The following ELMO1 variants were observed in gnomAD, a reference collection of about 807,000 sequenced individuals.
ELMO1 encodes engulfment and cell motility 1.
In ELMO1, 26 loss-of-function variants were observed where a neutral mutation model predicts 98.9. The observed-to-expected ratio is 0.26, with a 90% CI of 0.19 to 0.36. The LOEUF (loss-of-function observed/expected upper bound fraction) is 0.36, where lower values mean the gene tolerates loss of function less well. ELMO1 is among the 10% of genes least tolerant of loss of function. The pLI is 1.00. For missense variants in ELMO1, 627 were observed against 935.2 expected (o/e 0.67, Z 4.30); for synonymous variants, 346 against 346.0 (o/e 1.00, Z 0.00).
intron 1 of ELMO1, among the ~76,000 whole-genome samples, chr7:37,365,190 A>G (rs958129745): frequency 6.6e-6 from 1 of 152,212 alleles, no homozygotes; most frequent in African/African-American, 2.4e-5. Flanking sequence ...GTGGTCCTAA[A>G]TTCTTGCAGC....
chr7:36,884,903 T>C (rs1291685222), intron 18 of ELMO1, among the ~76,000 whole-genome samples: 1 of 152,168 alleles, frequency 6.6e-6, no homozygotes. Flanking sequence ...GCACTGGGAG[T>C]GTCTGCTCTT....
chr7:36,991,250 A>G (rs182352574), intron 16 of ELMO1, among the ~76,000 whole-genome samples: 1 of 152,272 alleles, frequency 6.6e-6, no homozygotes, highest in Admixed American at 6.5e-5. Context: ...GAATGCCCTC[A>G]TACACACACG....
At chr7:36,922,227 C>T (rs1252358768) in intron 16 of ELMO1, among the ~76,000 whole-genome samples, 9 of 151,528 alleles carry the variant, frequency 5.9e-5, no homozygotes, top group South Asian at 2.1e-4. Context: ...AGCTCTTTTA[C>T]TAAGACTATA....
chr7:37,211,634 A>C, intron 12 of ELMO1, 117 bp from the exon 13 acceptor site: 7 of 1,327,932 alleles, frequency 5.3e-6, no homozygotes, highest in Non-Finnish European at 7.1e-6. Flanking sequence ...TTCAGGCAAA[A>C]GAAAAACAGA....
chr7:37,084,498 A>C (rs968357439), intron 15 of ELMO1, among the ~76,000 whole-genome samples: 1 of 152,188 alleles, frequency 6.6e-6, no homozygotes, highest in Non-Finnish European at 1.5e-5. Context: ...AAAGAAAGTG[A>C]AAGCAGTGGG....
intron 16 of ELMO1, among the ~76,000 whole-genome samples, chr7:36,979,343 G>A (rs1790851093): frequency 6.6e-6 from 1 of 152,156 alleles, no homozygotes; most frequent in Non-Finnish European, 1.5e-5. Context: ...ACAGCCTCAT[G>A]GGAAATGTAC....
chr7:37,268,635 A>G (rs2130840122), intron 5 of ELMO1, among the ~76,000 whole-genome samples: 1 of 152,306 alleles, frequency 6.6e-6, no homozygotes, highest in East Asian at 1.9e-4. Flanking sequence ...AGATAAAGAT[A>G]CCACACTAGA....
At chr7:37,059,767 G>C (rs1172079652) in intron 15 of ELMO1, among the ~76,000 whole-genome samples, 2 of 152,080 alleles carry the variant, frequency 1.3e-5, no homozygotes, top group East Asian at 3.9e-4. Context: ...TGGCACCAGA[G>C]CAATAATGGT....
Position 37,342,476 on chromosome 7 carries a change from A to C in ELMO1, c.78+137T>G. 2 of 867,962 alleles carry C rather than the reference A, an allele frequency of 2.3e-6. No homozygotes were observed. 53.8% of individuals were successfully genotyped at this position (867,962 alleles called of 1,614,324 possible). A position where few individuals can be genotyped will look rare whatever the true frequency, so the allele number is the denominator to read the frequency against. On this transcript the variant is annotated intron_variant, in intron 2 of 21. Transcript: ENST00000310758. The surrounding 1 kb of genome is among the most constrained non-coding windows in gnomAD (Gnocchi z 4.3). Reference sequence around the variant, plus strand: ...TGTATGTGCTACAGAAATCAAGCACATTGCAACTATTATTGCACAGATTTT... The same window carrying C: ...TGTATGTGCTACAGAAATCAAGCACCTTGCAACTATTATTGCACAGATTTT...
At chr7:37,118,304 C>T (rs1419859622) in intron 14 of ELMO1, among the ~76,000 whole-genome samples, 1 of 152,188 alleles carries the variant, frequency 6.6e-6, no homozygotes, top group Non-Finnish European at 1.5e-5. Flanking sequence ...GTACAGAGGG[C>T]TGATGATGCT....
intron 13 of ELMO1, among the ~76,000 whole-genome samples, chr7:37,164,301 G>C (rs1789470537): frequency 6.6e-6 from 1 of 152,170 alleles, no homozygotes; most frequent in South Asian, 2.1e-4. Flanking sequence ...TGTTCACTCT[G>C]ATGGTAGTTT....
chr7:36,973,993 C>G (rs1449785955), intron 16 of ELMO1, among the ~76,000 whole-genome samples: 4 of 152,108 alleles, frequency 2.6e-5, no homozygotes, highest in Non-Finnish European at 5.9e-5. Context: ...GGGCTCGGGA[C>G]CTGCAGCCCG....
At chr7:37,289,887 C>T (rs1797587381) in intron 4 of ELMO1, among the ~76,000 whole-genome samples, 1 of 152,082 alleles carries the variant, frequency 6.6e-6, no homozygotes, top group African/African-American at 2.4e-5. Context: ...GCATTAAAAA[C>T]TTGTCTTCAT....
At chr7:36,935,766 A>C (rs1219360148) in intron 16 of ELMO1, among the ~76,000 whole-genome samples, 1 of 152,184 alleles carries the variant, frequency 6.6e-6, no homozygotes, top group Non-Finnish European at 1.5e-5. Context: ...CTACTACTCC[A>C]AAAAGCCTAG....
At chr7:37,407,278 G>T (rs1803811018) in intron 1 of ELMO1, among the ~76,000 whole-genome samples, 1 of 152,092 alleles carries the variant, frequency 6.6e-6, no homozygotes, top group South Asian at 2.1e-4. Context: ...GGGAGGCCGA[G>T]GTGGGCAGAT....
At chr7:37,247,894 A>AAT (rs1795096036) in intron 6 of ELMO1, among the ~76,000 whole-genome samples, 1 of 108,080 alleles carries the variant, frequency 9.3e-6, no homozygotes, top group Non-Finnish European at 1.9e-5. Flanking sequence ...TTTGAAATAA[A>AAT]ATGTGTGTGT....
chr7:37,357,081 A>G (rs1170267322), intron 1 of ELMO1, among the ~76,000 whole-genome samples: 1 of 152,186 alleles, frequency 6.6e-6, no homozygotes, highest in Non-Finnish European at 1.5e-5. Flanking sequence ...TCATACTGCC[A>G]TTAGGTCACA....
In ELMO1 at chr7:36,975,708, G is replaced by A. The variant is rs894998520; in HGVS notation, c.1437+37591C>T. Among the ~76,000 whole-genome samples the A allele has an allele frequency of 4.7e-5, 7 of 149,468 alleles. No individual in the cohort carries two copies. The East Asian group carries it at 8.1e-4, about 17-fold the overall frequency. On this transcript the variant is annotated intron_variant, in intron 16 of 21. Coordinates refer to ENST00000310758, the MANE Select transcript of ELMO1 (RefSeq NM_014800.11). ...CTAAAAATAGAAAAATTAGCCGGGC[G>A]TGGTGGTGCATGCCTGTAATCCCAG...
At chr7:37,089,288 G>C (rs771349597) in intron 15 of ELMO1, among the ~76,000 whole-genome samples, 1 of 152,152 alleles carries the variant, frequency 6.6e-6, no homozygotes, top group Non-Finnish European at 1.5e-5. Flanking sequence ...TATTGCCATG[G>C]AAAGACAAAG....
Sources: gnomAD v4.1 joint callset for allele counts (sites outside exome capture counted in the v4.1 genomes callset) on GRCh38, gnomAD v4.1.1 for gene constraint, Gnocchi (gnomAD v3.1) non-coding constraint, MANE v1.5 for transcripts, NCBI Gene and HGNC (gene_info 2026-07-23, HGNC 2026-07-21) for gene names.